The following ACSL1 variants were observed in gnomAD, a reference collection of about 807,000 sequenced individuals.
The protein encoded by ACSL1 is long-chain-fatty-acid--CoA ligase 1.
A neutral mutation model predicts 98.4 loss-of-function variants in ACSL1; 41 were observed. The ratio of observed to expected loss-of-function variants is 0.42; its 90% CI spans 0.32 to 0.54. ACSL1 has a LOEUF of 0.54. ACSL1 is among the 20% of genes least tolerant of loss of function. The probability of loss-of-function intolerance (pLI) is 0.13; values close to 1 mark genes in which losing one functional copy is unlikely to be tolerated. For synonymous variants in ACSL1, 316 were observed against 322.7 expected, an observed-to-expected ratio of 0.98 and a Z score of 0.22; for missense variants, 734 against 883.1, an observed-to-expected ratio of 0.83 and a Z score of 2.14.
chr4:184,776,957 A>G lies in ACSL1; in HGVS notation c.504T>C (p.Phe168=), dbSNP rs764433297. ...PEWVIIEQGC[F]AYSMVIVPLY... Reference sequence around the variant, plus strand: ...GTGGAACGATCACCATCGAATAAGCAAAGCATCCTTGTTCAATAATCACCC... The same window carrying G: ...GTGGAACGATCACCATCGAATAAGCGAAGCATCCTTGTTCAATAATCACCC... Residue 168 remains phenylalanine (F), a synonymous_variant, in exon 6 of 21, where the codon TTT becomes TTC. Transcript: ENST00000281455. 5.0e-6 allele frequency: 8 copies of G among 1,614,090 alleles called. No individual in the cohort carries two copies. Among genetic ancestry groups the G allele is most frequent in the Non-Finnish European group, 6.8e-6 (8 of 1,180,040 alleles).
intron 4 of ACSL1, among the ~76,000 whole-genome samples, chr4:184,781,324 T>C (rs1766242973): frequency 6.7e-6 from 1 of 150,294 alleles, no homozygotes. Context: ...AAAAACCTAA[T>C]CATGGCTGGA....
At chr4:184,783,368 C>G (rs1018599245) in intron 4 of ACSL1, among the ~76,000 whole-genome samples, 1 of 152,188 alleles carries the variant, frequency 6.6e-6, no homozygotes, top group Non-Finnish European at 1.5e-5. Flanking sequence ...TTCCTCCCTA[C>G]AGCTGCCTGG....
chr4:184,776,396 A>G (rs766632727), intron 7 of ACSL1, 88 bp downstream of exon 7: 3 of 1,438,336 alleles, frequency 2.1e-6, no homozygotes, highest in Non-Finnish European at 2.8e-6. Context: ...GGACTGCACC[A>G]TAGCACTAGA....
Position 184,756,956 on chromosome 4 carries a change from A to G in ACSL1, c.*169T>C, listed in dbSNP as rs2292899. The G allele has an allele frequency of 0.28, 208,358 of 748,372 alleles. 33,606 individuals are homozygous for G. Among genetic ancestry groups the G allele is most frequent in the East Asian group, 0.64 (24,474 of 38,506 alleles). The allele number at this position is 748,372 out of a possible 1,614,324, so 46.4% of individuals were successfully genotyped here. ...CTGCAACATGAGGTGACTGTAAGGC[A>G]GTGTTCTCTTTCCTCTAGCATTCCT... On this transcript the variant is annotated 3_prime_UTR_variant, in exon 21 of 21. Coordinates refer to ENST00000281455, the MANE Select transcript of ACSL1 (RefSeq NM_001995.5).
chr4:184,780,319 T>C lies in ACSL1; in HGVS notation c.477+13A>G. ...CTCAAAATCATGCATAGCAAGTACC[T>C]ACTGGTTCATACCTCAGGTCTATTT... On this transcript the variant is annotated intron_variant, in intron 5 of 20. Transcript: ENST00000281455. 1 of 1,607,182 alleles carries C rather than the reference T, an allele frequency of 6.2e-7. No homozygotes were observed. The highest frequency in any genetic ancestry group is 8.5e-7 in the Non-Finnish European group (1 of 1,175,284).
chr4:184,787,070 G>A (rs1026193688), intron 3 of ACSL1, among the ~76,000 whole-genome samples: 25 of 152,194 alleles, frequency 1.6e-4, no homozygotes, highest in African/African-American at 3.1e-4. Context: ...GTTCCTGACC[G>A]TAAAAAGATT....
chr4:184,760,652 A>C (rs762256179), intron 17 of ACSL1, 152 bp from the exon 18 acceptor site: 83 of 1,227,164 alleles, frequency 6.8e-5, no homozygotes, highest in Non-Finnish European at 8.6e-5. Flanking sequence ...CATTTTACAG[A>C]GAGGAAAACA....
In ACSL1 at chr4:184,780,409, C is replaced by G. The variant is rs1226446041; in HGVS notation, c.400G>C (p.Gly134Arg). 6.2e-7 allele frequency: 1 copy of G among 1,613,122 alleles called. No individual in the cohort carries two copies. Among genetic ancestry groups the G allele is most frequent in the Non-Finnish European group, 8.5e-7 (1 of 1,179,808 alleles). ...KQVAELSECIGSALIQKGFKT... is the reference protein window; with the variant it reads ...KQVAELSECIRSALIQKGFKT... ...AAGCCCTTCTGGATCAGTGCTGAGCCTATGCACTCCGACAATTCTGCAACC... is the reference window on the plus strand; with the variant it reads ...AAGCCCTTCTGGATCAGTGCTGAGCGTATGCACTCCGACAATTCTGCAACC... The change falls in exon 5 of 21, where the codon GGC becomes CGC. Residue 134 changes from glycine to arginine, a missense_variant. By Grantham distance (125) the Gly-to-Arg change is moderately radical (BLOSUM62 -2). Transcript: ENST00000281455.
Position 184,762,534 on chromosome 4 carries a change from G to A in ACSL1, c.1522-11C>T. 6.2e-7 allele frequency: 1 copy of A among 1,609,556 alleles called. No homozygotes were observed. The highest frequency in any genetic ancestry group is 8.5e-7 in the Non-Finnish European group (1 of 1,175,818). On this transcript the variant is annotated splice_polypyrimidine_tract_variant and intron_variant, in intron 16 of 20. Transcript: ENST00000281455. Reference sequence around the variant, plus strand: ...CCCTTTCACACACACCTAAAGAAAAGAAGATCATCAGTGAACAGCATTTAC... The same window carrying A: ...CCCTTTCACACACACCTAAAGAAAAAAAGATCATCAGTGAACAGCATTTAC...
rs1762273095 is a variant in ACSL1 at position 184,757,537 on chromosome 4, C to T, written c.1956+98G>A. 6 of 1,174,990 alleles carry T rather than the reference C, an allele frequency of 5.1e-6. No individual in the cohort carries two copies. The highest frequency in any genetic ancestry group is 2.2e-5 in the Admixed American group (1 of 45,766). The allele number at this position is 1,174,990 out of a possible 1,614,324, so 72.8% of individuals were successfully genotyped here. ...TCCATTATTTATTCCTCATGTATGT[C>T]TTTAGGTCACCCCATATGTTTATAT... is the stretch of plus-strand genomic sequence containing the variant. On this transcript the variant is annotated intron_variant, in intron 20 of 20. Coordinates refer to ENST00000281455, the MANE Select transcript of ACSL1 (RefSeq NM_001995.5). This position sits in a 1 kb window ranked among gnomAD's most constrained non-coding sequence, Gnocchi z 4.5.
intron 2 of ACSL1, among the ~76,000 whole-genome samples, chr4:184,798,095 T>C (rs1769772301): frequency 1.3e-5 from 2 of 152,218 alleles, no homozygotes; most frequent in Admixed American, 1.3e-4. Context: ...GTCATCCAAC[T>C]AGGAAACGAG....
intron 2 of ACSL1, among the ~76,000 whole-genome samples, chr4:184,796,028 T>C (rs1480971522): frequency 6.6e-6 from 1 of 152,186 alleles, no homozygotes; most frequent in Admixed American, 6.5e-5. Flanking sequence ...GTTGAGGGTG[T>C]TGCCAAAGGA....
At chr4:184,785,601 G>T (rs56196028) in intron 3 of ACSL1, among the ~76,000 whole-genome samples, 2 of 4,806 alleles carry the variant, frequency 4.2e-4, no homozygotes, top group Non-Finnish European at 1.2e-3. Context: ...CCTCCTGGGC[G>T]GGGGCGGGGG....
rs1389201035 is a variant in ACSL1 at position 184,763,185 on chromosome 4, A to C, written c.1503T>G (p.Ala501=). ...LVDVEEMNYM[A]AEGEGEVCVK... ...CACTCACCTCGCCCTCGCCCTCGGC[A>C]GCCATGTAATTCATTTCTTCCACAT... Residue 501 remains alanine (A), a synonymous_variant, in exon 16 of 21, where the codon GCT becomes GCG. Coordinates refer to ENST00000281455, the MANE Select transcript of ACSL1 (RefSeq NM_001995.5). 3 of 1,613,964 alleles carry C rather than the reference A, an allele frequency of 1.9e-6. No homozygotes were observed. The East Asian group carries it at 6.7e-5, about 36-fold the overall frequency.
At chr4:184,820,309 A>ACG (rs1772966337) in intron 1 of ACSL1, among the ~76,000 whole-genome samples, 16 of 152,132 alleles carry the variant, frequency 1.1e-4, no homozygotes, top group Admixed American at 7.9e-4. Flanking sequence ...GAGCCACTGC[A>ACG]CCCGGCCAGT....
rs150026028 is a variant in ACSL1, at chr4:184,822,672, G to A, written c.-33+3244C>T. 5.9e-5 allele frequency among the ~76,000 whole-genome samples: 9 copies of A among 152,194 alleles called. No homozygotes were observed. In the East Asian group the frequency reaches 1.4e-3, roughly 23 times the overall value. ...GAGGATCAACTGAGCCCAGGGAGGT[G>A]GAGAGGCTGCAACGAGCCATGATCA... On this transcript the variant is annotated intron_variant, in intron 1 of 20. Coordinates refer to ENST00000281455, the MANE Select transcript of ACSL1 (RefSeq NM_001995.5).
At chr4:184,795,719 A>C (rs1439870447) in intron 2 of ACSL1, among the ~76,000 whole-genome samples, 1 of 152,238 alleles carries the variant, frequency 6.6e-6, no homozygotes, top group African/African-American at 2.4e-5. Flanking sequence ...AAGTCAGCAG[A>C]CAGGTCTTAC....
At position 184,757,393 on chromosome 4, in the gene ACSL1, C is replaced by T. The variant is rs1196433558; in HGVS notation, c.1957-128G>A. ...CCATCCTCTCATTTCAGCCAAGCTG[C>T]ACCTTCTCAACAAAGGACAGGCATC... is the stretch of plus-strand genomic sequence containing the variant. On this transcript the variant is annotated intron_variant, in intron 20 of 20. Transcript: ENST00000281455. The surrounding 1 kb of genome is among the most constrained non-coding windows in gnomAD (Gnocchi z 4.5). 6 of 1,242,224 alleles carry T rather than the reference C, an allele frequency of 4.8e-6. No homozygotes were observed. The African/African-American group carries it at 6.1e-5, about 13-fold the overall frequency. The allele number at this position is 1,242,224 out of a possible 1,614,324, so 77.0% of individuals were successfully genotyped here.
chr4:184,762,647 T>A (rs1763022249), intron 16 of ACSL1, 124 bp from the exon 17 acceptor site: 1 of 825,386 alleles, frequency 1.2e-6, no homozygotes, highest in Admixed American at 2.1e-5. Flanking sequence ...AACTCCAGGA[T>A]GCAGAGGGAG....
Sources: gnomAD v4.1 joint callset for allele counts (sites outside exome capture counted in the v4.1 genomes callset) on GRCh38, gnomAD v4.1.1 for gene constraint, Gnocchi (gnomAD v3.1) non-coding constraint, MANE v1.5 for transcripts, NCBI Gene and HGNC (gene_info 2026-07-23, HGNC 2026-07-21) for gene names.